Variants in TMPRSS11A observed in about 807,000 individuals in gnomAD.
The protein encoded by TMPRSS11A is transmembrane protease serine 11A.
Under a neutral mutation model 58.9 loss-of-function variants are expected in TMPRSS11A, and 53 were observed. The observed-to-expected ratio is 0.90, with a 90% CI of 0.72 to 1.13. The LOEUF is 1.13. Among genes scored for constraint, TMPRSS11A ranks in the 50% most tolerant of loss-of-function variants. The pLI is 0.00. For synonymous variants in TMPRSS11A, 167 were observed against 169.8 expected, an observed-to-expected ratio of 0.98 and a Z score of 0.13; for missense variants, 493 against 499.3, an observed-to-expected ratio of 0.99 and a Z score of 0.12.
intron 3 of TMPRSS11A, among the ~76,000 whole-genome samples, chr4:67,934,928 A>C (rs1720715859): frequency 6.6e-6 from 1 of 152,176 alleles, no homozygotes; most frequent in Admixed American, 6.6e-5. Context: ...GCAGACTGGC[A>C]TATGGAATAT....
chr4:67,939,656 T>A (rs1170630548), intron 3 of TMPRSS11A, among the ~76,000 whole-genome samples: 1 of 152,150 alleles, frequency 6.6e-6, no homozygotes, highest in Non-Finnish European at 1.5e-5. Flanking sequence ...TTTTTCTACA[T>A]ATATTGAGAT....
Position 67,945,794 on chromosome 4 carries a change from C to T in TMPRSS11A, c.133+656G>A, listed in dbSNP as rs116010835. Reference sequence around the variant, plus strand: ...TTTGTGAAAAAATGTAAATGGCTTGCATTCTCCCCAGAAAGAGACTGAATG... The same window carrying T: ...TTTGTGAAAAAATGTAAATGGCTTGTATTCTCCCCAGAAAGAGACTGAATG... On this transcript the variant is annotated intron_variant, in intron 2 of 9. Transcript: ENST00000508048. 6.4e-3 allele frequency among the ~76,000 whole-genome samples: 981 copies of T among 152,286 alleles called. 6 individuals carry two copies. The highest frequency in any genetic ancestry group is 0.02 in the Middle Eastern group (6 of 294).
chr4:67,931,343 ATTTTTC>A lies in TMPRSS11A; in HGVS notation c.320+644_320+649del, dbSNP rs1720613522. On this transcript the variant is annotated intron_variant, in intron 4 of 9. Coordinates refer to ENST00000508048, the MANE Select transcript of TMPRSS11A (RefSeq NM_001114387.2). ...AAATAAATCAAAATCTGAATATATT[ATTTTTC>A]TTTATCTTTAAGAAATATGAGTCAT... 2.0e-5 allele frequency among the ~76,000 whole-genome samples: 3 copies of A among 152,036 alleles called. No homozygotes were observed. In the South Asian group the frequency reaches 6.2e-4, roughly 31 times the overall value.
intron 1 of TMPRSS11A, among the ~76,000 whole-genome samples, chr4:67,953,057 C>T (rs1003804770): frequency 1.3e-5 from 2 of 152,120 alleles, no homozygotes; most frequent in Non-Finnish European, 2.9e-5. Context: ...TCATAAGGAG[C>T]ATGTAACCTG....
At chr4:67,919,507 A>G (rs1412892928) in intron 7 of TMPRSS11A, among the ~76,000 whole-genome samples, 1 of 152,178 alleles carries the variant, frequency 6.6e-6, no homozygotes, top group African/African-American at 2.4e-5. Flanking sequence ...TTCCACAAAT[A>G]TTTACTGAGC....
chr4:67,920,564 T>TAC (rs1356652483), intron 7 of TMPRSS11A, among the ~76,000 whole-genome samples: 1 of 146,164 alleles, frequency 6.8e-6, no homozygotes, highest in Non-Finnish European at 1.5e-5. Context: ...TTTTTATATA[T>TAC]ACACACACAC....
At chr4:67,912,452 G>A (rs534739121) in intron 9 of TMPRSS11A, among the ~76,000 whole-genome samples, 25 of 152,220 alleles carry the variant, frequency 1.6e-4, no homozygotes, top group African/African-American at 4.1e-4. Flanking sequence ...CAGGTCTTAC[G>A]TCTTCCACTT....
intron 6 of TMPRSS11A, among the ~76,000 whole-genome samples, chr4:67,923,338 A>G (rs1720381535): frequency 6.6e-6 from 1 of 152,226 alleles, no homozygotes. Context: ...ATGAATAAAC[A>G]CATGGATAAA....
intron 3 of TMPRSS11A, among the ~76,000 whole-genome samples, chr4:67,936,585 A>G (rs1182320587): frequency 2.0e-5 from 3 of 152,180 alleles, no homozygotes; most frequent in African/African-American, 7.2e-5. Flanking sequence ...ACAAAAAGGT[A>G]ATCAGATCAT....
rs1028189171 is a variant in TMPRSS11A, at chr4:67,942,596, A to T, written c.252+1923T>A. On this transcript the variant is annotated intron_variant, in intron 3 of 9. Coordinates refer to ENST00000508048, the MANE Select transcript of TMPRSS11A (RefSeq NM_001114387.2). ...CATACTAAGACACTAAGTGTTGGTTAGATGTGGGGACATAGAAATCCTCAT... is the reference window on the plus strand; with the variant it reads ...CATACTAAGACACTAAGTGTTGGTTTGATGTGGGGACATAGAAATCCTCAT... 8.5e-5 allele frequency among the ~76,000 whole-genome samples: 13 copies of T among 152,242 alleles called. 1 individual carries two copies. Among genetic ancestry groups the T allele is most frequent in the Non-Finnish European group, 1.9e-4 (13 of 68,050 alleles).
chr4:67,913,495 G>C (rs191362887), intron 9 of TMPRSS11A, among the ~76,000 whole-genome samples: 1 of 152,270 alleles, frequency 6.6e-6, no homozygotes, highest in Non-Finnish European at 1.5e-5. Context: ...TAGGCAGCAA[G>C]TTTACCTCTG....
intron 3 of TMPRSS11A, among the ~76,000 whole-genome samples, chr4:67,940,015 G>T (rs72851238): frequency 6.6e-6 from 1 of 151,984 alleles, no homozygotes; most frequent in Non-Finnish European, 1.5e-5. Context: ...TTTTTAATTC[G>T]GTTTATGTGG....
At chr4:67,912,908 C>T (rs969660580) in intron 9 of TMPRSS11A, among the ~76,000 whole-genome samples, 11 of 152,184 alleles carry the variant, frequency 7.2e-5, no homozygotes, top group Middle Eastern at 6.8e-3. Context: ...TTTATGTTTT[C>T]AGAGCTCCTA....
At chr4:67,923,653 C>G (rs1353070221) in intron 6 of TMPRSS11A, among the ~76,000 whole-genome samples, 1 of 152,214 alleles carries the variant, frequency 6.6e-6, no homozygotes, top group Non-Finnish European at 1.5e-5. Flanking sequence ...ACTACAGGCA[C>G]CTGCCACCGC....
chr4:67,950,447 T>G (rs1721129513), intron 1 of TMPRSS11A, among the ~76,000 whole-genome samples: 1 of 152,198 alleles, frequency 6.6e-6, no homozygotes, highest in Non-Finnish European at 1.5e-5. Flanking sequence ...CCCAGGCTCT[T>G]TAAAAATGTC....
intron 3 of TMPRSS11A, among the ~76,000 whole-genome samples, chr4:67,939,370 T>G (rs1720826804): frequency 6.6e-6 from 1 of 152,328 alleles, no homozygotes; most frequent in African/African-American, 2.4e-5. Context: ...AGAGAGATAA[T>G]TTGACTTCCT....
At position 67,952,989 on chromosome 4, in the gene TMPRSS11A, TA is replaced by T. The variant is rs375226966; in HGVS notation, c.12-6419del. Among the ~76,000 whole-genome samples the T allele has an allele frequency of 4.9e-4, 74 of 151,684 alleles. No individual in the cohort carries two copies. In the East Asian group the frequency reaches 6.0e-3, roughly 12 times the overall value. On this transcript the variant is annotated intron_variant, in intron 1 of 9. Coordinates refer to ENST00000508048, the MANE Select transcript of TMPRSS11A (RefSeq NM_001114387.2). ...AAGACAAGTTTTCCATGGACAGGGG[TA>T]GGGGGGGTGGTTTGGTAATGAAATT...
chr4:67,953,274 A>G (rs1442614488), intron 1 of TMPRSS11A, among the ~76,000 whole-genome samples: 2 of 152,146 alleles, frequency 1.3e-5, no homozygotes, highest in Non-Finnish European at 2.9e-5. Flanking sequence ...AATGAAGTTA[A>G]ATAGAATCCT....
intron 1 of TMPRSS11A, among the ~76,000 whole-genome samples, chr4:67,949,301 A>G (rs952134119): frequency 1.3e-5 from 2 of 152,172 alleles, no homozygotes; most frequent in African/African-American, 4.8e-5. Flanking sequence ...ATACTGATCA[A>G]GTGTCATGGA....
Sources: allele counts gnomAD v4.1 joint callset (sites outside exome capture counted in the v4.1 genomes callset), GRCh38; gene constraint gnomAD v4.1.1; transcripts MANE v1.5; gene names NCBI Gene and HGNC (gene_info 2026-07-23, HGNC 2026-07-21).